SAMTOR: variants seen among roughly 807,000 people sequenced by gnomAD.
The protein encoded by SAMTOR is UPF0532 protein C7orf60.
At chr7:112,894,755 T>C in the SAMTOR span, among the ~76,000 whole-genome samples, 1 of 152,140 alleles carries the variant, frequency 6.6e-6, no homozygotes, top group Non-Finnish European at 1.5e-5. Context: ...ATGAGAATTA[T>C]TGGAGCTACA....
the SAMTOR span, among the ~76,000 whole-genome samples, chr7:112,828,912 G>A: frequency 6.6e-6 from 1 of 152,114 alleles, no homozygotes. Flanking sequence ...ACTTTAAGGT[G>A]TCTTTACAAT....
At chr7:112,821,745 T>G in the SAMTOR span, 1 of 1,584,480 alleles carries the variant, frequency 6.3e-7, no homozygotes, top group East Asian at 2.2e-5. Flanking sequence ...GCTTCTATAT[T>G]AACTTAAAAG....
the SAMTOR span, among the ~76,000 whole-genome samples, chr7:112,857,217 G>A: frequency 8.1e-5 from 12 of 147,738 alleles, no homozygotes; most frequent in Non-Finnish European, 1.5e-4. Flanking sequence ...TCAGCCTCCC[G>A]AGTAGCTGGG....
chr7:112,914,476 G>C, the SAMTOR span, among the ~76,000 whole-genome samples: 1 of 151,874 alleles, frequency 6.6e-6, no homozygotes, highest in African/African-American at 2.4e-5. Context: ...CACATTAAGA[G>C]AACTAGTATA....
At chr7:112,881,379 T>C in the SAMTOR span, among the ~76,000 whole-genome samples, 13 of 152,150 alleles carry the variant, frequency 8.5e-5, no homozygotes, top group Non-Finnish European at 1.5e-5. Flanking sequence ...GGGGGCTGAC[T>C]TGTCAGTTCC....
chr7:112,861,981 C>CAGCG, the SAMTOR span, among the ~76,000 whole-genome samples: 1 of 152,192 alleles, frequency 6.6e-6, no homozygotes, highest in Non-Finnish European at 1.5e-5. Context: ...AGGCCAGGTA[C>CAGCG]AGCGGCTCAG....
At chr7:112,832,463 A>G in the SAMTOR span, 1 of 731,266 alleles carries the variant, frequency 1.4e-6, no homozygotes, top group Non-Finnish European at 2.4e-6. Context: ...ATGGGTACAC[A>G]GGAAATACAT....
At chr7:112,832,270 C>T in the SAMTOR span, among the ~76,000 whole-genome samples, 3 of 152,042 alleles carry the variant, frequency 2.0e-5, no homozygotes, top group Non-Finnish European at 2.9e-5. Flanking sequence ...CCATCTTGGC[C>T]TCCTAAAGTG....
At chr7:112,826,893 G>A in the SAMTOR span, among the ~76,000 whole-genome samples, 1 of 152,152 alleles carries the variant, frequency 6.6e-6, no homozygotes, top group Non-Finnish European at 1.5e-5. Context: ...TTAGAGGGGT[G>A]CTGAAATCTC....
chr7:112,904,015 T>G, the SAMTOR span, among the ~76,000 whole-genome samples: 1 of 152,010 alleles, frequency 6.6e-6, no homozygotes, highest in Non-Finnish European at 1.5e-5. Flanking sequence ...TCACTTCAAT[T>G]CCCAGTGAAG....
chr7:112,922,192 G>A, the SAMTOR span, among the ~76,000 whole-genome samples: 13 of 152,332 alleles, frequency 8.5e-5, no homozygotes, highest in African/African-American at 2.6e-4. Flanking sequence ...TCCTAACCGC[G>A]AGTGATCCGT....
the SAMTOR span, among the ~76,000 whole-genome samples, chr7:112,827,233 A>C: frequency 6.6e-6 from 1 of 152,160 alleles, no homozygotes. Context: ...CCAATCTGCC[A>C]GTCTTTGCCT....
the SAMTOR span, chr7:112,821,778 T>C: frequency 1.2e-6 from 2 of 1,609,994 alleles, no homozygotes; most frequent in East Asian, 2.2e-5. Context: ...TTCTAGCTCA[T>C]AGAAAGGAAT....
chr7:112,831,611 C>G, the SAMTOR span, among the ~76,000 whole-genome samples: 1 of 152,040 alleles, frequency 6.6e-6, no homozygotes, highest in African/African-American at 2.4e-5. Flanking sequence ...GTGATCATGC[C>G]ACTGCACTCA....
chr7:112,920,025 G>A, the SAMTOR span, among the ~76,000 whole-genome samples: 1 of 151,944 alleles, frequency 6.6e-6, no homozygotes, highest in Non-Finnish European at 1.5e-5. Context: ...GAGGTACAAG[G>A]AGGAACTGGT....
At chr7:112,851,066 T>A in the SAMTOR span, among the ~76,000 whole-genome samples, 1 of 151,938 alleles carries the variant, frequency 6.6e-6, no homozygotes, top group African/African-American at 2.4e-5. Context: ...TGAAAGAAAA[T>A]GTAGATGATG....
chr7:112,929,768 A>C, the SAMTOR span, among the ~76,000 whole-genome samples: 1 of 152,120 alleles, frequency 6.6e-6, no homozygotes, highest in African/African-American at 2.4e-5. Flanking sequence ...TTTGGCAGTG[A>C]TGAAAATGTT....
At chr7:112,923,078 T>C in the SAMTOR span, among the ~76,000 whole-genome samples, 3 of 152,358 alleles carry the variant, frequency 2.0e-5, no homozygotes, top group Non-Finnish European at 2.9e-5. Flanking sequence ...GGATGGTTGC[T>C]ATGTCTGTGT....
chr7:112,909,325 G>T, the SAMTOR span, among the ~76,000 whole-genome samples: 2 of 152,136 alleles, frequency 1.3e-5, no homozygotes, highest in African/African-American at 2.4e-5. Context: ...TGGGAAACCA[G>T]CTTTGTTGGT....
Sources: gnomAD v4.1 joint callset for allele counts (sites outside exome capture counted in the v4.1 genomes callset) on GRCh38, gnomAD v4.1.1 for gene constraint, MANE v1.5 for transcripts, NCBI Gene and HGNC (gene_info 2026-07-23, HGNC 2026-07-21) for gene names.